The following NTN4 variants were observed in gnomAD, a reference collection of about 807,000 sequenced individuals.
The protein encoded by NTN4 is netrin-4.
Under a neutral mutation model 73.6 loss-of-function variants are expected in NTN4, and 32 were observed. The observed-to-expected ratio is 0.44, with a 90% CI of 0.33 to 0.58. The LOEUF (loss-of-function observed/expected upper bound fraction) is 0.58. Ranked by LOEUF, NTN4 falls within the 20% of genes least tolerant of loss-of-function variation. The pLI is 0.04. For missense variants in NTN4, 654 were observed against 798.3 expected (o/e 0.82, Z 2.18); for synonymous variants, 258 against 287.5 (o/e 0.90, Z 1.04).
chr12:95,787,506 C>T (rs751537840), intron 1 of NTN4, 38 bp from the exon 2 acceptor site: 22 of 1,590,074 alleles, frequency 1.4e-5, no homozygotes, highest in Non-Finnish European at 1.9e-5. Flanking sequence ...AAGACAAACC[C>T]ATCTGGAAAG....
At chr12:95,720,112 C>T (rs2078635566) in intron 3 of NTN4, among the ~76,000 whole-genome samples, 1 of 152,152 alleles carries the variant, frequency 6.6e-6, no homozygotes, top group Non-Finnish European at 1.5e-5. Context: ...ATTCCTTTAG[C>T]TCTAGAATGA....
At position 95,787,264 on chromosome 12, in the gene NTN4, A is replaced by G; in HGVS notation, c.260T>C (p.Leu87Pro). The G allele has an allele frequency of 3.1e-6, 5 of 1,614,228 alleles. No individual in the cohort carries two copies. The highest frequency in any genetic ancestry group is 4.2e-6 in the Non-Finnish European group (5 of 1,180,034). The change falls in exon 2 of 10, where the codon CTG (leucine) becomes CCG (proline). Residue 87 changes from leucine to proline, a missense_variant. By Grantham distance (98) the Leu-to-Pro change is moderately conservative. Coordinates refer to ENST00000343702, the MANE Select transcript of NTN4 (RefSeq NM_021229.4). ...CDKCNAAYPH[L>P]AHLPSAMADS... ...TGCCATGGCAGATGGCAGGTGAGCC[A>G]GGTGAGGATAGGCAGCATTGCACTT...
rs146656562 is a variant in NTN4, at chr12:95,738,186, C to T, written c.586-42G>A. On this transcript the variant is annotated intron_variant, in intron 2 of 9. Transcript: ENST00000343702. ...AATACCATGCGTTTATAGGACTGTG[C>T]GCAAACCCTGAATTGTTTGCCTAAT... 5.8e-5 allele frequency: 89 copies of T among 1,542,876 alleles called. 2 individuals are homozygous for T. Among genetic ancestry groups the T allele is most frequent in the African/African-American group, 4.4e-4 (32 of 73,280 alleles).
In NTN4 at chr12:95,695,084, C is replaced by T. The variant is rs926493662; in HGVS notation, c.1181-11373G>A. On this transcript the variant is annotated intron_variant, in intron 5 of 9. Transcript: ENST00000343702. ...TGAAGGTTGCAGTGAGCGGAGATCA[C>T]GCCACTGCACGCTAACCTGGGCAAC... 5.3e-5 allele frequency among the ~76,000 whole-genome samples: 8 copies of T among 151,352 alleles called. No homozygotes were observed. The South Asian group carries it at 6.3e-4, about 12-fold the overall frequency.
intron 3 of NTN4, among the ~76,000 whole-genome samples, chr12:95,714,625 T>A (rs552290494): frequency 2.6e-5 from 4 of 152,124 alleles, no homozygotes; most frequent in Admixed American, 2.6e-4. Flanking sequence ...AACAAATACC[T>A]AAGAAGCAAA....
chr12:95,709,278 GATCATC>G (rs2078544573), intron 5 of NTN4, among the ~76,000 whole-genome samples: 1 of 152,092 alleles, frequency 6.6e-6, no homozygotes. Context: ...GGAAGGGCAT[GATCATC>G]AATCTCCATT....
At chr12:95,698,880 A>T (rs1565888439) in intron 5 of NTN4, among the ~76,000 whole-genome samples, 1 of 152,010 alleles carries the variant, frequency 6.6e-6, no homozygotes, top group Non-Finnish European at 1.5e-5. Flanking sequence ...AATAAAAAAT[A>T]ATCGTAGCTT....
intron 2 of NTN4, among the ~76,000 whole-genome samples, chr12:95,773,019 T>C (rs1052521552): frequency 2.8e-5 from 4 of 141,392 alleles, no homozygotes; most frequent in African/African-American, 5.4e-5. Flanking sequence ...TTCTTTTTTT[T>C]TGAGATGGAG....
intron 3 of NTN4, among the ~76,000 whole-genome samples, chr12:95,734,387 A>C (rs2078760429): frequency 6.6e-6 from 1 of 152,188 alleles, no homozygotes; most frequent in Non-Finnish European, 1.5e-5. Context: ...TTTCTGATTC[A>C]GTAGGTCTGG....
intron 3 of NTN4, among the ~76,000 whole-genome samples, chr12:95,714,267 A>G (rs577524320): frequency 6.6e-6 from 1 of 152,302 alleles, no homozygotes; most frequent in South Asian, 2.1e-4. Flanking sequence ...CTTGCAATGA[A>G]TTTCAACCAA....
chr12:95,716,360 T>C (rs944483073), intron 3 of NTN4, among the ~76,000 whole-genome samples: 2 of 152,144 alleles, frequency 1.3e-5, no homozygotes, highest in Non-Finnish European at 2.9e-5. Context: ...CCTAAAGGAA[T>C]AGTCAGGGAC....
chr12:95,716,451 G>A (rs916095328), intron 3 of NTN4, among the ~76,000 whole-genome samples: 1 of 152,236 alleles, frequency 6.6e-6, no homozygotes, highest in African/African-American at 2.4e-5. Flanking sequence ...TTAGCTTAAA[G>A]AGGCTGAAAT....
At chr12:95,659,244 G>A in intron 9 of NTN4, 22 bp from the exon 10 acceptor site, 1 of 1,592,888 alleles carries the variant, frequency 6.3e-7, no homozygotes, top group Non-Finnish European at 8.6e-7. Context: ...CAAAATTAGG[G>A]GCTATACAGT....
intron 2 of NTN4, among the ~76,000 whole-genome samples, chr12:95,748,757 C>CA (rs2078881493): frequency 6.6e-6 from 1 of 152,174 alleles, no homozygotes; most frequent in Non-Finnish European, 1.5e-5. Flanking sequence ...AGCTGTAAGC[C>CA]ACCATGCCTG....
At chr12:95,708,429 A>T (rs1472097949) in intron 5 of NTN4, among the ~76,000 whole-genome samples, 1 of 151,782 alleles carries the variant, frequency 6.6e-6, no homozygotes, top group Admixed American at 6.6e-5. Context: ...CTGGAACTAC[A>T]GGCGCCCGCC....
At chr12:95,704,906 A>G (rs2078512134) in intron 5 of NTN4, among the ~76,000 whole-genome samples, 1 of 152,194 alleles carries the variant, frequency 6.6e-6, no homozygotes, top group Admixed American at 6.5e-5. Flanking sequence ...CTATGAACCC[A>G]TCTACCTCCT....
intron 5 of NTN4, among the ~76,000 whole-genome samples, chr12:95,700,879 T>C (rs2078480516): frequency 6.7e-6 from 1 of 149,240 alleles, no homozygotes; most frequent in South Asian, 2.2e-4. Flanking sequence ...AGTGGTGCAA[T>C]CTTGGCTCAT....
intron 2 of NTN4, among the ~76,000 whole-genome samples, chr12:95,742,214 G>T (rs1357603475): frequency 1.3e-5 from 2 of 152,024 alleles, no homozygotes; most frequent in South Asian, 2.1e-4. Flanking sequence ...TGGAAAATTA[G>T]GCTAGGTGCG....
intron 2 of NTN4, among the ~76,000 whole-genome samples, chr12:95,769,306 G>A (rs926975013): frequency 2.0e-5 from 3 of 152,158 alleles, no homozygotes; most frequent in East Asian, 1.9e-4. Context: ...GAAGATTCCA[G>A]AGAGAAAATC....
Sources: gnomAD v4.1 joint callset for allele counts (sites outside exome capture counted in the v4.1 genomes callset) on GRCh38, gnomAD v4.1.1 for gene constraint, MANE v1.5 for transcripts, NCBI Gene and HGNC (gene_info 2026-07-23, HGNC 2026-07-21) for gene names.